The following SIPA1L2 variants were observed in gnomAD, a reference collection of about 807,000 sequenced individuals.
SIPA1L2 encodes signal induced proliferation associated 1 like 2.
In SIPA1L2, 56 loss-of-function variants were observed where a neutral mutation model predicts 163.9. That is an observed-to-expected ratio of 0.34 (90% CI 0.28 to 0.43). The LOEUF (loss-of-function observed/expected upper bound fraction) is 0.43. SIPA1L2 is among the 20% of genes least tolerant of loss of function. SIPA1L2 has a pLI of 1.00. For synonymous variants in SIPA1L2, 877 were observed against 865.7 expected (o/e 1.01, Z -0.23); for missense variants, 1,974 against 2,193.5 (o/e 0.90, Z 2.00).
intron 2 of SIPA1L2, among the ~76,000 whole-genome samples, chr1:232,545,090 A>G (rs1042284765): frequency 6.6e-6 from 1 of 152,244 alleles, no homozygotes; most frequent in Non-Finnish European, 1.5e-5. Flanking sequence ...ACCTCATACT[A>G]AAATAAGATA....
At chr1:232,590,148 C>T (rs1022593029) in intron 1 of SIPA1L2, among the ~76,000 whole-genome samples, 2 of 152,318 alleles carry the variant, frequency 1.3e-5, no homozygotes, top group South Asian at 2.1e-4. Context: ...CCCCAGACAC[C>T]TTGCTGGAGC....
At chr1:232,418,221 A>G (rs976504787) in intron 18 of SIPA1L2, among the ~76,000 whole-genome samples, 2 of 152,212 alleles carry the variant, frequency 1.3e-5, no homozygotes, top group Non-Finnish European at 2.9e-5. Context: ...AAAGAGAAAA[A>G]TAACACAGTA....
intron 10 of SIPA1L2, among the ~76,000 whole-genome samples, chr1:232,452,191 T>A (rs1418035750): frequency 6.6e-6 from 1 of 151,922 alleles, no homozygotes; most frequent in East Asian, 2.0e-4. Flanking sequence ...CATTAACTTA[T>A]TCATATTCAT....
At chr1:232,494,275 T>C (rs1273740048) in intron 3 of SIPA1L2, among the ~76,000 whole-genome samples, 1 of 152,200 alleles carries the variant, frequency 6.6e-6, no homozygotes, top group East Asian at 1.9e-4. Context: ...TATCCACAAA[T>C]CCTATAACTT....
chr1:232,424,809 G>C (rs187042743), intron 18 of SIPA1L2, among the ~76,000 whole-genome samples: 2 of 152,084 alleles, frequency 1.3e-5, no homozygotes, highest in East Asian at 3.9e-4. Context: ...TGGTTCTAAA[G>C]ATATTTTCTG....
At chr1:232,441,081 T>C (rs1215718860) in intron 14 of SIPA1L2, among the ~76,000 whole-genome samples, 1 of 152,268 alleles carries the variant, frequency 6.6e-6, no homozygotes, top group Non-Finnish European at 1.5e-5. Context: ...GCTGAGGATA[T>C]AATTTTGGCT....
chr1:232,621,514 C>A (rs1272394769), intron 1 of SIPA1L2, among the ~76,000 whole-genome samples: 6 of 152,062 alleles, frequency 3.9e-5, no homozygotes, highest in Non-Finnish European at 7.4e-5. Flanking sequence ...GACTCAGATT[C>A]AGAAAACCAC....
intron 2 of SIPA1L2, among the ~76,000 whole-genome samples, chr1:232,529,654 T>C (rs769338108): frequency 5.3e-5 from 8 of 152,302 alleles, no homozygotes; most frequent in Non-Finnish European, 8.8e-5. Flanking sequence ...ATCCATATTC[T>C]AGCTGCTAAG....
chr1:232,418,280 C>A (rs745891772), intron 18 of SIPA1L2, among the ~76,000 whole-genome samples: 14 of 152,164 alleles, frequency 9.2e-5, no homozygotes, highest in African/African-American at 2.9e-4. Flanking sequence ...GCGGCCAGTG[C>A]CCTGATTCAC....
At chr1:232,415,427 C>A (rs1294871542) in intron 19 of SIPA1L2, 67 bp downstream of exon 19, 6 of 1,511,136 alleles carry the variant, frequency 4.0e-6, no homozygotes, top group Non-Finnish European at 4.4e-6. Flanking sequence ...CCCTAAGATG[C>A]CGCACAGGCC....
intron 2 of SIPA1L2, among the ~76,000 whole-genome samples, chr1:232,537,634 T>C (rs1279150823): frequency 6.6e-6 from 1 of 152,202 alleles, no homozygotes; most frequent in East Asian, 1.9e-4. Flanking sequence ...GTAGCACAGA[T>C]GGGCTGTGGA....
intron 3 of SIPA1L2, among the ~76,000 whole-genome samples, chr1:232,511,638 A>C (rs564090119): frequency 1.2e-4 from 18 of 152,324 alleles, no homozygotes. Context: ...AAGTGGACAG[A>C]GTGACCTCCT....
At chr1:232,532,878 G>A (rs745429894) in intron 2 of SIPA1L2, among the ~76,000 whole-genome samples, 5 of 152,196 alleles carry the variant, frequency 3.3e-5, no homozygotes, top group African/African-American at 7.2e-5. Flanking sequence ...CAGGAGAAAC[G>A]CTAAAGAGAA....
At chr1:232,627,134 T>A (rs1307797660) in intron 1 of SIPA1L2, among the ~76,000 whole-genome samples, 1 of 152,176 alleles carries the variant, frequency 6.6e-6, no homozygotes, top group African/African-American at 2.4e-5. Context: ...GGATTTGTAA[T>A]CCTCAACTAC....
Position 232,515,431 on chromosome 1 carries a change from T to A in SIPA1L2, c.-92A>T. The A allele has an allele frequency of 7.5e-7, 1 of 1,327,824 alleles. No homozygotes were observed. The highest frequency in any genetic ancestry group is 1.0e-6 in the Non-Finnish European group (1 of 989,042). The allele number at this position is 1,327,824 out of a possible 1,614,324, so 82.3% of individuals were successfully genotyped here. A position where few individuals can be genotyped will look rare whatever the true frequency, so the allele number is the denominator to read the frequency against. On this transcript the variant is annotated 5_prime_UTR_variant, in exon 3 of 23. Coordinates refer to ENST00000674635, the MANE Select transcript of SIPA1L2 (RefSeq NM_020808.5). The stretch of plus-strand genomic sequence containing the variant: ...GACCACGCCATAATACTTGCAGATA[T>A]AAAGGCTTTGTCTGTAGTTGTATTT...
chr1:232,587,889 C>T (rs1440815199), intron 1 of SIPA1L2, among the ~76,000 whole-genome samples: 1 of 152,162 alleles, frequency 6.6e-6, no homozygotes, highest in Non-Finnish European at 1.5e-5. Context: ...TTCCACTTGG[C>T]TCTCACTCTT....
At chr1:232,606,833 C>T (rs1661948175) in intron 1 of SIPA1L2, among the ~76,000 whole-genome samples, 1 of 151,762 alleles carries the variant, frequency 6.6e-6, no homozygotes, top group Admixed American at 6.6e-5. Flanking sequence ...TGAAACTAAA[C>T]TTAGATGTTA....
In SIPA1L2 at chr1:232,398,322, G is replaced by A. The variant is rs981587177; in HGVS notation, c.*805C>T. The A allele has an allele frequency of 3.3e-5, 5 of 152,626 alleles. No individual in the cohort carries two copies. Among genetic ancestry groups the A allele is most frequent in the African/African-American group, 7.2e-5 (3 of 41,436 alleles). 9.5% of individuals were successfully genotyped at this position (152,626 alleles called of 1,614,324 possible). Reference sequence around the variant, plus strand: ...TGGTTCCGCTGGCTCACAGCACACAGGGAAGTTCTAGTGAGTAAGCAGATT... The same window carrying A: ...TGGTTCCGCTGGCTCACAGCACACAAGGAAGTTCTAGTGAGTAAGCAGATT... On this transcript the variant is annotated 3_prime_UTR_variant, in exon 23 of 23. Transcript: ENST00000674635.
chr1:232,568,167 C>T lies in SIPA1L2; in HGVS notation c.-270+6007G>A, dbSNP rs115490662. Among the ~76,000 whole-genome samples the T allele has an allele frequency of 3.9e-5, 6 of 152,306 alleles. No individual in the cohort carries two copies. The East Asian group carries it at 5.8e-4, about 15-fold the overall frequency. On this transcript the variant is annotated intron_variant, in intron 2 of 22. Coordinates refer to ENST00000674635, the MANE Select transcript of SIPA1L2 (RefSeq NM_020808.5). ...ACTCTAGCAAATTAATCATATCCAA[C>T]GAGGGCGTTGTGGAAACCCCAATCT...
Sources: gnomAD v4.1 joint callset for allele counts (sites outside exome capture counted in the v4.1 genomes callset) on GRCh38, gnomAD v4.1.1 for gene constraint, MANE v1.5 for transcripts, NCBI Gene and HGNC (gene_info 2026-07-23, HGNC 2026-07-21) for gene names.